SFMBT2: variants seen among roughly 807,000 people sequenced by gnomAD.
SFMBT2 encodes the protein Scm like with four mbt domains 2, also known as scm-like with four MBT domains protein 2.
In SFMBT2, 38 loss-of-function variants were observed where a neutral mutation model predicts 110.1. That is an observed-to-expected ratio of 0.35 (90% CI 0.27 to 0.45). SFMBT2 has a LOEUF of 0.45. SFMBT2 is among the 20% of genes least tolerant of loss of function. The probability of loss-of-function intolerance (pLI) is 1.00; values close to 1 mark genes in which losing one functional copy is unlikely to be tolerated. For synonymous variants in SFMBT2, 425 were observed against 425.4 expected (o/e 1.00, Z 0.01); for missense variants, 1,011 against 1,094.9 (o/e 0.92, Z 1.08).
intron 7 of SFMBT2, among the ~76,000 whole-genome samples, chr10:7,257,461 A>G (rs1240342496): frequency 6.6e-6 from 1 of 152,200 alleles, no homozygotes; most frequent in African/African-American, 2.4e-5. Flanking sequence ...GGATATAGTC[A>G]TCATGAGTCA....
intron 4 of SFMBT2, among the ~76,000 whole-genome samples, chr10:7,357,480 A>G (rs1367390699): frequency 2.0e-5 from 3 of 152,152 alleles, no homozygotes; most frequent in African/African-American, 7.2e-5. Flanking sequence ...CTTCATCTGC[A>G]ACACTGGCTC....
In SFMBT2 at chr10:7,172,617, C is replaced by T. The variant is rs1449424116; in HGVS notation, c.2029G>A (p.Gly677Arg). ...KRKKISKPPIGESNPDSGHPK... is the reference protein window; with the variant it reads ...KRKKISKPPIRESNPDSGHPK... ...TGTCCGCTGTCGGGGTTGCTTTCCCCGATGGGGGGCTTGGAGATCTTCTTT... is the reference window on the plus strand; with the variant it reads ...TGTCCGCTGTCGGGGTTGCTTTCCCTGATGGGGGGCTTGGAGATCTTCTTT... Residue 677 changes from glycine (G) to arginine (R), a missense_variant, in exon 18 of 21, where the codon GGG becomes AGG. Gly to Arg is a moderately radical substitution (Grantham distance 125). Around this residue, in one of 2 missense-constraint regions of SFMBT2, gnomAD observed 979 missense variants for 1,016.1 expected, o/e 0.96. Transcript: ENST00000397167. The surrounding 1 kb of genome is among the most constrained non-coding windows in gnomAD (Gnocchi z 4.6). 4.3e-6 allele frequency: 7 copies of T among 1,614,170 alleles called. No homozygotes were observed. Among genetic ancestry groups the T allele is most frequent in the South Asian group, 3.3e-5 (3 of 91,074 alleles).
rs78032420 is a variant in SFMBT2 at position 7,290,675 on chromosome 10, T to C, written c.437-4721A>G. Among the ~76,000 whole-genome samples the C allele has an allele frequency of 3.4e-5, 5 of 147,818 alleles. No individual in the cohort carries two copies. The South Asian group carries it at 6.4e-4, about 19-fold the overall frequency. ...ACACAGCAAGACCCCATCTCTACAA[T>C]TTTTTTTTTAACTTAGCTGGGCATG... is the stretch of plus-strand genomic sequence containing the variant. On this transcript the variant is annotated intron_variant, in intron 4 of 20. Transcript: ENST00000397167.
intron 6 of SFMBT2, 21 bp downstream of exon 6, chr10:7,283,883 A>C: frequency 1.3e-6 from 2 of 1,494,984 alleles, no homozygotes; most frequent in Non-Finnish European, 1.9e-6. Context: ...ACTTTACAGC[A>C]GCAAAAGCTT....
intron 4 of SFMBT2, among the ~76,000 whole-genome samples, chr10:7,333,216 C>G (rs1018042843): frequency 7.2e-5 from 11 of 152,074 alleles, no homozygotes; most frequent in African/African-American, 2.7e-4. Flanking sequence ...GCTTTATCAA[C>G]TTGAGAGATA....
chr10:7,183,191 C>T (rs984359652), intron 16 of SFMBT2, among the ~76,000 whole-genome samples: 7 of 152,116 alleles, frequency 4.6e-5, no homozygotes, highest in Middle Eastern at 3.2e-3. Flanking sequence ...AAAAAGGTGA[C>T]GGAGGAGAAA....
At position 7,285,926 on chromosome 10, in the gene SFMBT2, T is replaced by C. The variant is rs1440063967; in HGVS notation, c.465A>G (p.Thr155=). 1.1e-6 allele frequency: 1 copy of C among 872,258 alleles called. No individual in the cohort carries two copies. The highest frequency in any genetic ancestry group is 2.0e-6 in the Non-Finnish European group (1 of 501,674). 54.0% of individuals were successfully genotyped at this position (872,258 alleles called of 1,614,324 possible). A position where few individuals can be genotyped will look rare whatever the true frequency, so the allele number is the denominator to read the frequency against. ...CAGTCAAGTCACGTATGAGAAATTCTGTCCAGTCTGTGTACTTCTCTTTGA... is the reference window on the plus strand; with the variant it reads ...CAGTCAAGTCACGTATGAGAAATTCCGTCCAGTCTGTGTACTTCTCTTTGA... ...DAIKEKYTDW[T]EFLIRDLTGS... The change falls in exon 5 of 21, where the codon ACA becomes ACG. Residue 155 remains threonine, a synonymous_variant. Transcript: ENST00000397167.
chr10:7,214,500 G>A, intron 11 of SFMBT2: 1 of 921,736 alleles, frequency 1.1e-6, no homozygotes. Context: ...GCAAAGGACA[G>A]ATTAGATTTA....
chr10:7,274,698 C>CT (rs1423222188), intron 7 of SFMBT2, among the ~76,000 whole-genome samples: 1 of 152,112 alleles, frequency 6.6e-6, no homozygotes, highest in African/African-American at 2.4e-5. Context: ...TGAGAACAAA[C>CT]TAATACATTA....
At chr10:7,278,245 G>A (rs891487680) in intron 6 of SFMBT2, among the ~76,000 whole-genome samples, 6 of 152,302 alleles carry the variant, frequency 3.9e-5, no homozygotes, top group African/African-American at 1.2e-4. Flanking sequence ...CACTTCTGTG[G>A]AGACTGAAAG....
chr10:7,305,553 G>T (rs540644574), intron 4 of SFMBT2, among the ~76,000 whole-genome samples: 1 of 152,322 alleles, frequency 6.6e-6, no homozygotes, highest in South Asian at 2.1e-4. Flanking sequence ...CACCATTATG[G>T]TAGGCATGAT....
At chr10:7,348,915 A>G (rs1844209149) in intron 4 of SFMBT2, among the ~76,000 whole-genome samples, 1 of 152,188 alleles carries the variant, frequency 6.6e-6, no homozygotes, top group Non-Finnish European at 1.5e-5. Context: ...CAGAAGTGGT[A>G]AGTTCCATGT....
chr10:7,197,415 T>G, intron 15 of SFMBT2, 133 bp downstream of exon 15: 1 of 1,228,528 alleles, frequency 8.1e-7, no homozygotes, highest in Non-Finnish European at 1.1e-6. Flanking sequence ...GCCCACAGGA[T>G]GGAGAGAACG....
chr10:7,312,457 T>A (rs1038566407), intron 4 of SFMBT2, among the ~76,000 whole-genome samples: 6 of 152,122 alleles, frequency 3.9e-5, no homozygotes, highest in African/African-American at 1.4e-4. Context: ...GGAACAGGAA[T>A]GCTGAGGCCA....
At chr10:7,352,815 T>C (rs1844366925) in intron 4 of SFMBT2, among the ~76,000 whole-genome samples, 1 of 152,082 alleles carries the variant, frequency 6.6e-6, no homozygotes, top group South Asian at 2.1e-4. Context: ...ATCAAGACTA[T>C]CCTGGCTAAC....
At position 7,211,320 on chromosome 10, in the gene SFMBT2, GC is replaced by G. The variant is rs1163256445; in HGVS notation, c.1331-5393del. Among the ~76,000 whole-genome samples the G allele has an allele frequency of 2.6e-5, 4 of 152,226 alleles. No homozygotes were observed. In the East Asian group the frequency reaches 7.7e-4, roughly 29 times the overall value. ...AGCCAGGTCAACCCCAGACCTGCAGGCAGATGAAGGCAGGCTTGGGACCCCT... is the reference window on the plus strand; with the variant it reads ...AGCCAGGTCAACCCCAGACCTGCAGGAGATGAAGGCAGGCTTGGGACCCCT... On this transcript the variant is annotated intron_variant, in intron 11 of 20. Transcript: ENST00000397167.
chr10:7,285,205 T>C (rs1313864075), intron 5 of SFMBT2: 2 of 152,238 alleles, frequency 1.3e-5, no homozygotes, highest in Non-Finnish European at 2.9e-5. Context: ...TGCCTTTCTC[T>C]TCCTGTTCCA....
Position 7,192,526 on chromosome 10 carries a change from A to G in SFMBT2, c.1699-3793T>C, listed in dbSNP as rs149616626. Reference sequence around the variant, plus strand: ...ATGTTGTTGTGAGTGATAGCCCAGGACAAATGCTCAGAGCTCCACAATGAA... The same window carrying G: ...ATGTTGTTGTGAGTGATAGCCCAGGGCAAATGCTCAGAGCTCCACAATGAA... On this transcript the variant is annotated intron_variant, in intron 15 of 20. Transcript: ENST00000397167. Among the ~76,000 whole-genome samples, 1,276 of 152,354 alleles carry G rather than the reference A, an allele frequency of 8.4e-3. 26 individuals carry two copies. Among genetic ancestry groups the G allele is most frequent in the African/African-American group, 0.029 (1,194 of 41,576 alleles).
intron 4 of SFMBT2, among the ~76,000 whole-genome samples, chr10:7,297,960 C>T (rs953841176): frequency 4.6e-5 from 7 of 152,170 alleles, no homozygotes; most frequent in African/African-American, 1.4e-4. Flanking sequence ...CGGGCTGATG[C>T]ACATTCTCCA....
Sources: gnomAD v4.1 joint callset for allele counts (sites outside exome capture counted in the v4.1 genomes callset) on GRCh38, gnomAD v4.1.1 for gene constraint, gnomAD v4.1.1 regional missense constraint, Gnocchi (gnomAD v3.1) non-coding constraint, MANE v1.5 for transcripts, NCBI Gene and HGNC (gene_info 2026-07-23, HGNC 2026-07-21) for gene names.